SYCE1L: variants seen among roughly 807,000 people sequenced by gnomAD.
SYCE1L encodes the protein synaptonemal complex central element protein 1-like.
In SYCE1L, 51 loss-of-function variants were observed where a neutral mutation model predicts 39.6. The ratio of observed to expected loss-of-function variants is 1.29; its 90% CI spans 1.03 to 1.63. The LOEUF is 1.63. Ranked by LOEUF, SYCE1L falls within the 40% of genes most tolerant of loss-of-function variation. The probability of loss-of-function intolerance (pLI) is 0.00; values close to 1 mark genes in which losing one functional copy is unlikely to be tolerated. For synonymous variants in SYCE1L, 147 were observed against 122.4 expected, an observed-to-expected ratio of 1.20 and a Z score of -1.33; for missense variants, 426 against 304.9, an observed-to-expected ratio of 1.40 and a Z score of -2.96.
chr16:77,208,591 TACC>T (rs2054802163), intron 4 of SYCE1L, 52 bp downstream of exon 4: 1 of 1,516,150 alleles, frequency 6.6e-7, no homozygotes, highest in African/African-American at 1.4e-5. Flanking sequence ...TTCCTGTGCA[TACC>T]TCAGGGCCTT....
chr16:77,205,141 T>TA (rs1211645041), intron 1 of SYCE1L, among the ~76,000 whole-genome samples: 1 of 151,700 alleles, frequency 6.6e-6, no homozygotes, highest in Non-Finnish European at 1.5e-5. Flanking sequence ...CTTGTAATGC[T>TA]AGTGGCCTCT....
At chr16:77,209,250 C>T in intron 5 of SYCE1L, 106 bp downstream of exon 5, 4 of 1,383,364 alleles carry the variant, frequency 2.9e-6, no homozygotes, top group Admixed American at 2.0e-5. Context: ...AGGCAGGGTG[C>T]TTCCCTCTCT....
At chr16:77,210,999 G>A (rs1052712499) in intron 6 of SYCE1L, among the ~76,000 whole-genome samples, 11 of 152,222 alleles carry the variant, frequency 7.2e-5, no homozygotes, top group Non-Finnish European at 1.5e-4. Flanking sequence ...CCTGGGGCCT[G>A]GCAGGCCACT....
Position 77,209,290 on chromosome 16 carries a change from A to T in SYCE1L, c.305-127A>T, listed in dbSNP as rs1337923017. On this transcript the variant is annotated intron_variant, in intron 5 of 10. Coordinates refer to ENST00000378644, the MANE Select transcript of SYCE1L (RefSeq NM_001129979.3). ...AGATCTCTTCCTGGATTGCTACATCACTTGGAGTAAACACCCAAGTCCTCA... is the reference window on the plus strand; with the variant it reads ...AGATCTCTTCCTGGATTGCTACATCTCTTGGAGTAAACACCCAAGTCCTCA... 5 of 1,345,130 alleles carry T rather than the reference A, an allele frequency of 3.7e-6. No individual in the cohort carries two copies. The African/African-American group carries it at 7.3e-5, about 20-fold the overall frequency. The allele number at this position is 1,345,130 out of a possible 1,614,324, so 83.3% of individuals were successfully genotyped here.
At chr16:77,209,799 C>T (rs1021389340) in intron 6 of SYCE1L, among the ~76,000 whole-genome samples, 49 of 152,180 alleles carry the variant, frequency 3.2e-4, no homozygotes, top group African/African-American at 1.2e-3. Flanking sequence ...CCCAGTCATC[C>T]ATTTGCCCAC....
intron 1 of SYCE1L, among the ~76,000 whole-genome samples, chr16:77,204,741 T>G (rs2054773244): frequency 6.6e-6 from 1 of 152,160 alleles, no homozygotes; most frequent in Non-Finnish European, 1.5e-5. Context: ...ATGCTACCAC[T>G]TACATAGAAA....
chr16:77,211,521 T>A (rs1433887239), intron 7 of SYCE1L, among the ~76,000 whole-genome samples: 2 of 152,088 alleles, frequency 1.3e-5, no homozygotes, highest in Non-Finnish European at 2.9e-5. Flanking sequence ...TGATCCTGCT[T>A]TCCCCCTGCT....
rs868251722 is a variant in SYCE1L at position 77,209,434 on chromosome 16, C to T, written c.322C>T (p.Gln108Ter). ...GKKQEALRIL[Q>*]MHCQEKESEA... ...CCCCACAGAGGCACTGAGGATCCTC[C>T]AGATGCACTGCCAAGAGAAGGAAAG... Residue 108 changes from glutamine (Q) to a stop codon, truncating the protein, a stop_gained, in exon 6 of 11, where the codon CAG (glutamine) becomes TAG (stop). Transcript: ENST00000378644. LOFTEE classifies it high-confidence loss of function. 1 of 1,551,756 alleles carries T rather than the reference C, an allele frequency of 6.4e-7. No homozygotes were observed. Among genetic ancestry groups the T allele is most frequent in the Non-Finnish European group, 8.7e-7 (1 of 1,147,018 alleles).
Position 77,212,639 on chromosome 16 carries a change from A to C in SYCE1L, c.647A>C (p.Glu216Ala). The change falls in exon 10 of 11, where the codon GAG becomes GCG. Residue 216 changes from glutamate (E) to alanine (A), a missense_variant. Transcript: ENST00000378644. ...VRSAPEVGAG[E>A]GEAGPELPRA... ...AGCGCCCCCGAGGTCGGGGCCGGCG[A>C]GGGAGAGGTAGGGAGCCCGAGGAAG... is the stretch of plus-strand genomic sequence containing the variant. 1 of 1,532,508 alleles carries C rather than the reference A, an allele frequency of 6.5e-7. No homozygotes were observed. The highest frequency in any genetic ancestry group is 8.7e-7 in the Non-Finnish European group (1 of 1,145,314). 94.9% of individuals were successfully genotyped at this position (1,532,508 alleles called of 1,614,324 possible).
intron 1 of SYCE1L, among the ~76,000 whole-genome samples, chr16:77,203,816 A>G (rs2054764689): frequency 6.6e-6 from 1 of 152,072 alleles, no homozygotes; most frequent in Admixed American, 6.5e-5. Context: ...GCTGGTCTCG[A>G]ACTCCTGACC....
chr16:77,209,402 G>A lies in SYCE1L; in HGVS notation c.305-15G>A, dbSNP rs1401851827. On this transcript the variant is annotated splice_polypyrimidine_tract_variant and intron_variant, in intron 5 of 10. Coordinates refer to ENST00000378644, the MANE Select transcript of SYCE1L (RefSeq NM_001129979.3). ...CAAGAGCTCTCAAAGGGTCCCCTTGGTTCCTTCCCCACAGAGGCACTGAGG... is the reference window on the plus strand; with the variant it reads ...CAAGAGCTCTCAAAGGGTCCCCTTGATTCCTTCCCCACAGAGGCACTGAGG... The A allele has an allele frequency of 3.9e-6, 6 of 1,551,694 alleles. No individual in the cohort carries two copies. Among genetic ancestry groups the A allele is most frequent in the Non-Finnish European group, 5.2e-6 (6 of 1,146,984 alleles).
At chr16:77,212,523 C>G (rs2054831958) in intron 9 of SYCE1L, 51 bp from the exon 10 acceptor site, 1 of 1,534,738 alleles carries the variant, frequency 6.5e-7, no homozygotes, top group South Asian at 1.2e-5. Context: ...TCCTCCTCGT[C>G]CCCTGGACTC....
chr16:77,209,393 G>A (rs1404509583), intron 5 of SYCE1L, 24 bp from the exon 6 acceptor site: 4 of 1,551,466 alleles, frequency 2.6e-6, no homozygotes, highest in Non-Finnish European at 3.5e-6. Context: ...CTCTCAAAGG[G>A]TCCCCTTGGT....
intron 1 of SYCE1L, among the ~76,000 whole-genome samples, chr16:77,205,056 A>AG (rs1555502751): frequency 7.8e-5 from 11 of 140,750 alleles, no homozygotes; most frequent in South Asian, 2.2e-4. Context: ...AAAAAAAAAA[A>AG]AAAAGAAAAG....
chr16:77,204,071 C>CAA (rs985995015), intron 1 of SYCE1L, among the ~76,000 whole-genome samples: 1 of 136,754 alleles, frequency 7.3e-6, no homozygotes, highest in Non-Finnish European at 1.6e-5. Context: ...GTCCAGTTGG[C>CAA]AAAAAAAAAA....
chr16:77,206,946 T>C (rs558733324), intron 2 of SYCE1L, among the ~76,000 whole-genome samples: 64 of 152,296 alleles, frequency 4.2e-4, no homozygotes, highest in African/African-American at 1.4e-3. Flanking sequence ...ACATCAGAGC[T>C]GAGGCAGTGC....
intron 7 of SYCE1L, among the ~76,000 whole-genome samples, chr16:77,211,921 T>C (rs987789589): frequency 7.9e-5 from 12 of 151,856 alleles, no homozygotes; most frequent in African/African-American, 2.7e-4. Context: ...GAGTTCAAGT[T>C]TGAGAGGTGC....
chr16:77,208,835 A>G (rs982849612), intron 4 of SYCE1L, among the ~76,000 whole-genome samples: 1 of 152,160 alleles, frequency 6.6e-6, no homozygotes, highest in South Asian at 2.1e-4. Flanking sequence ...GTATTTCTTT[A>G]TAGCCATCTT....
chr16:77,212,457 C>A, intron 9 of SYCE1L, 88 bp downstream of exon 9: 1 of 1,537,962 alleles, frequency 6.5e-7, no homozygotes. Context: ...CCCCGACTGC[C>A]GCTTCCCCGG....
Sources: allele counts gnomAD v4.1 joint callset (sites outside exome capture counted in the v4.1 genomes callset), GRCh38; gene constraint gnomAD v4.1.1; transcripts MANE v1.5; gene names NCBI Gene and HGNC (gene_info 2026-07-23, HGNC 2026-07-21).